The following CSRNP3 variants were observed in gnomAD, a reference collection of about 807,000 sequenced individuals.
CSRNP3 encodes cysteine/serine-rich nuclear protein 3.
Under a neutral mutation model 48.0 loss-of-function variants are expected in CSRNP3, and 12 were observed. The ratio of observed to expected loss-of-function variants is 0.25; its 90% CI spans 0.16 to 0.41. CSRNP3 has a LOEUF of 0.41. CSRNP3 is among the 10% of genes least tolerant of loss of function. The pLI is 1.00. For synonymous variants in CSRNP3, 263 were observed against 269.7 expected (o/e 0.98, Z 0.24); for missense variants, 580 against 724.4 (o/e 0.80, Z 2.29).
At position 165,607,393 on chromosome 2, in the gene CSRNP3, C is replaced by T. The variant is rs530573674; in HGVS notation, c.148+12180C>T. Among the ~76,000 whole-genome samples, 14 of 152,224 alleles carry T rather than the reference C, an allele frequency of 9.2e-5. No individual in the cohort carries two copies. The Middle Eastern group carries it at 0.01, about 111-fold the overall frequency. ...CATTCATCGTGTTCACAGTGATAAC[C>T]AAGTGACACTGTCACATATTTTCTT... On this transcript the variant is annotated intron_variant, in intron 4 of 6. Transcript: ENST00000651982.
At chr2:165,523,688 T>A (rs1233473708) in intron 3 of CSRNP3, among the ~76,000 whole-genome samples, 1 of 152,180 alleles carries the variant, frequency 6.6e-6, no homozygotes, top group Non-Finnish European at 1.5e-5. Context: ...CTCTTCTGTC[T>A]CTATTCTTCC....
intron 3 of CSRNP3, among the ~76,000 whole-genome samples, chr2:165,544,435 G>T (rs906332220): frequency 1.3e-5 from 2 of 152,048 alleles, no homozygotes; most frequent in African/African-American, 4.8e-5. Context: ...TTAAAAGGGA[G>T]AACCATTGGA....
At chr2:165,621,912 T>G (rs1686346647) in intron 4 of CSRNP3, among the ~76,000 whole-genome samples, 1 of 152,194 alleles carries the variant, frequency 6.6e-6, no homozygotes, top group African/African-American at 2.4e-5. Flanking sequence ...GAATGTTTAT[T>G]TTGTTCTTTA....
chr2:165,554,929 C>G (rs1012794965), intron 3 of CSRNP3, among the ~76,000 whole-genome samples: 2 of 152,194 alleles, frequency 1.3e-5, no homozygotes, highest in Non-Finnish European at 1.5e-5. Flanking sequence ...CATCTGACTT[C>G]ATCTCCTCAC....
chr2:165,606,700 A>C (rs1466190821), intron 4 of CSRNP3, among the ~76,000 whole-genome samples: 1 of 152,178 alleles, frequency 6.6e-6, no homozygotes, highest in Non-Finnish European at 1.5e-5. Context: ...CAGTTGGTTC[A>C]TATTATGATA....
chr2:165,637,287 C>G (rs1293210577), intron 4 of CSRNP3, among the ~76,000 whole-genome samples: 1 of 152,172 alleles, frequency 6.6e-6, no homozygotes, highest in Admixed American at 6.5e-5. Flanking sequence ...AATCCAAAAG[C>G]AAGAATGAGG....
chr2:165,488,561 GC>G (rs1684155224), intron 1 of CSRNP3, among the ~76,000 whole-genome samples: 1 of 143,588 alleles, frequency 7.0e-6, no homozygotes, highest in Admixed American at 7.0e-5. Context: ...ACTCTCCTCA[GC>G]AAATGTAAAA....
At chr2:165,645,263 A>G (rs1043503447) in intron 4 of CSRNP3, among the ~76,000 whole-genome samples, 1 of 152,002 alleles carries the variant, frequency 6.6e-6, no homozygotes, top group Non-Finnish European at 1.5e-5. Context: ...GAACCTGGTA[A>G]GTGGAGGCTG....
At chr2:165,491,977 A>C (rs539353907) in intron 1 of CSRNP3, among the ~76,000 whole-genome samples, 2 of 149,840 alleles carry the variant, frequency 1.3e-5, no homozygotes, top group African/African-American at 4.8e-5. Flanking sequence ...ACAAAGCTAG[A>C]AACCAGAGAT....
chr2:165,485,153 A>G (rs1248515101), intron 1 of CSRNP3, among the ~76,000 whole-genome samples: 1 of 152,192 alleles, frequency 6.6e-6, no homozygotes, highest in Non-Finnish European at 1.5e-5. Flanking sequence ...ATCGGAAACT[A>G]AGGTGGAAAA....
intron 3 of CSRNP3, among the ~76,000 whole-genome samples, chr2:165,544,036 T>C (rs1684991910): frequency 6.6e-6 from 1 of 151,808 alleles, no homozygotes; most frequent in Non-Finnish European, 1.5e-5. Context: ...GAATATAATA[T>C]ATATTCTGTA....
intron 3 of CSRNP3, among the ~76,000 whole-genome samples, chr2:165,565,161 C>T (rs899070037): frequency 6.6e-6 from 1 of 152,008 alleles, no homozygotes; most frequent in African/African-American, 2.4e-5. Flanking sequence ...GTAGTACCCA[C>T]GGTTGTCAGC....
intron 5 of CSRNP3, among the ~76,000 whole-genome samples, chr2:165,667,324 G>C (rs1687251852): frequency 6.6e-6 from 1 of 152,282 alleles, no homozygotes; most frequent in East Asian, 1.9e-4. Flanking sequence ...ATTGAAAAAT[G>C]GACACATTCC....
At chr2:165,665,805 G>GAGAGAA (rs1284591228) in intron 5 of CSRNP3, among the ~76,000 whole-genome samples, 1 of 143,420 alleles carries the variant, frequency 7.0e-6, no homozygotes, top group Non-Finnish European at 1.5e-5. Flanking sequence ...GAGAGAGAAA[G>GAGAGAA]AGAGAAAGAG....
At chr2:165,473,968 C>A (rs1683925663) in intron 1 of CSRNP3, among the ~76,000 whole-genome samples, 1 of 152,024 alleles carries the variant, frequency 6.6e-6, no homozygotes, top group Non-Finnish European at 1.5e-5. Flanking sequence ...ACTTCATGAT[C>A]AACTTCATGA....
At chr2:165,676,629 G>A (rs983641375) in intron 6 of CSRNP3, 21 bp downstream of exon 6, 1 of 1,604,824 alleles carries the variant, frequency 6.2e-7, no homozygotes, top group Non-Finnish European at 8.5e-7. Context: ...GGAATTCAGG[G>A]CATCCAAAGA....
chr2:165,606,366 C>CAA (rs1229143916), intron 4 of CSRNP3, among the ~76,000 whole-genome samples: 1,790 of 63,022 alleles, frequency 0.028, 30 homozygotes, highest in African/African-American at 0.037. Context: ...GCTAATGCAG[C>CAA]AAAAAAAAAA....
At chr2:165,607,932 A>G (rs1435629094) in intron 4 of CSRNP3, among the ~76,000 whole-genome samples, 2 of 151,666 alleles carry the variant, frequency 1.3e-5, no homozygotes, top group South Asian at 2.1e-4. Flanking sequence ...TATAATTTGC[A>G]TCAGATTCTA....
At position 165,529,102 on chromosome 2, in the gene CSRNP3, TC is replaced by T. The variant is rs544895196; in HGVS notation, c.-24+11144del. ...CCCTCACAGGCTCAGAAGTGCCTGC[TC>T]CCACTGCTTGGCTTCTGCCTGCAAA... On this transcript the variant is annotated intron_variant, in intron 3 of 6. Transcript: ENST00000651982. 1.2e-4 allele frequency among the ~76,000 whole-genome samples: 18 copies of T among 152,288 alleles called. No individual in the cohort carries two copies. The East Asian group carries it at 3.3e-3, about 28-fold the overall frequency.
Sources: allele counts gnomAD v4.1 joint callset (sites outside exome capture counted in the v4.1 genomes callset), GRCh38; gene constraint gnomAD v4.1.1; transcripts MANE v1.5; gene names NCBI Gene and HGNC (gene_info 2026-07-23, HGNC 2026-07-21).